Variants in THSD4 observed in about 807,000 individuals in gnomAD.
THSD4 encodes the protein thrombospondin type 1 domain containing 4.
In THSD4, 69 loss-of-function variants were observed where a neutral mutation model predicts 119.0. The ratio of observed to expected loss-of-function variants is 0.58; its 90% CI spans 0.48 to 0.71. The LOEUF is 0.71. Among genes scored for constraint, THSD4 ranks in the 30% least tolerant of loss-of-function variants. The pLI is 0.00. For missense variants in THSD4, 1,393 were observed against 1,391.1 expected, an observed-to-expected ratio of 1.00 and a Z score of -0.02; for synonymous variants, 524 against 540.4, an observed-to-expected ratio of 0.97 and a Z score of 0.42.
chr15:71,344,394 A>T (rs1259690125), intron 6 of THSD4, among the ~76,000 whole-genome samples: 1 of 152,128 alleles, frequency 6.6e-6, no homozygotes, highest in East Asian at 1.9e-4. Flanking sequence ...AAATAAGGTG[A>T]TATGTGCAGA....
intron 7 of THSD4, among the ~76,000 whole-genome samples, chr15:71,643,282 G>A (rs1340532918): frequency 6.6e-6 from 1 of 152,040 alleles, no homozygotes; most frequent in Non-Finnish European, 1.5e-5. Flanking sequence ...AACCACTAAT[G>A]TGTTTTGTTA....
At chr15:71,628,390 C>T (rs1595803244) in intron 7 of THSD4, among the ~76,000 whole-genome samples, 1 of 152,284 alleles carries the variant, frequency 6.6e-6, no homozygotes, top group East Asian at 1.9e-4. Context: ...TATTTATTCT[C>T]ATATTAAATA....
At chr15:71,750,864 C>T (rs950240893) in intron 14 of THSD4, among the ~76,000 whole-genome samples, 5 of 152,170 alleles carry the variant, frequency 3.3e-5, no homozygotes, top group African/African-American at 4.8e-5. Context: ...CAAACATTAG[C>T]GCATGGTACT....
At chr15:71,532,874 G>T (rs927214389) in intron 7 of THSD4, among the ~76,000 whole-genome samples, 4 of 152,198 alleles carry the variant, frequency 2.6e-5, no homozygotes, top group Non-Finnish European at 5.9e-5. Context: ...CAATGAGTTG[G>T]TTGGCTCTGT....
rs115126935 is a variant in THSD4 at position 71,652,751 on chromosome 15, A to C, written c.1153-7779A>C. 3.5e-3 allele frequency among the ~76,000 whole-genome samples: 534 copies of C among 152,320 alleles called. 2 individuals carry two copies. The highest frequency in any genetic ancestry group is 0.012 in the African/African-American group (510 of 41,576). ...CTTGATAAGATGCTATCCTATTATGAACTAGGATGAGGTACTGAAAAGTGA... is the reference window on the plus strand; with the variant it reads ...CTTGATAAGATGCTATCCTATTATGCACTAGGATGAGGTACTGAAAAGTGA... On this transcript the variant is annotated intron_variant, in intron 7 of 17. Coordinates refer to ENST00000261862, the MANE Select transcript of THSD4 (RefSeq NM_024817.3).
At chr15:71,627,100 A>G (rs1317242937) in intron 7 of THSD4, among the ~76,000 whole-genome samples, 1 of 150,994 alleles carries the variant, frequency 6.6e-6, no homozygotes, top group African/African-American at 2.4e-5. Context: ...TTAGGTGTTC[A>G]TGGAAGAAAA....
At chr15:71,766,465 A>C (rs1567142867) in intron 16 of THSD4, among the ~76,000 whole-genome samples, 1 of 152,222 alleles carries the variant, frequency 6.6e-6, no homozygotes, top group Non-Finnish European at 1.5e-5. Context: ...TTTTGCTTAG[A>C]AAATATATGA....
chr15:71,713,177 C>A (rs916167149), intron 8 of THSD4, among the ~76,000 whole-genome samples: 3 of 152,200 alleles, frequency 2.0e-5, no homozygotes, highest in African/African-American at 7.2e-5. Flanking sequence ...TCATTGTAAT[C>A]TTAGAACCCC....
chr15:71,302,849 C>T (rs528643636), intron 6 of THSD4, among the ~76,000 whole-genome samples: 74 of 152,130 alleles, frequency 4.9e-4, no homozygotes, highest in South Asian at 1.7e-3. Flanking sequence ...CTGCACCTGC[C>T]GCCGCCTCAT....
At chr15:71,525,429 A>G (rs986350873) in intron 7 of THSD4, among the ~76,000 whole-genome samples, 2 of 152,230 alleles carry the variant, frequency 1.3e-5, no homozygotes, top group Admixed American at 6.5e-5. Context: ...GGAAATATGC[A>G]GGAGGCAGAG....
At chr15:71,163,416 A>G (rs2043264401) in intron 3 of THSD4, among the ~76,000 whole-genome samples, 1 of 152,126 alleles carries the variant, frequency 6.6e-6, no homozygotes, top group African/African-American at 2.4e-5. Flanking sequence ...GTAAAATTAT[A>G]AGAACGCTAT....
chr15:71,120,244 G>A (rs2040397851), intron 1 of THSD4, among the ~76,000 whole-genome samples: 1 of 152,040 alleles, frequency 6.6e-6, no homozygotes, highest in East Asian at 1.9e-4. Flanking sequence ...CCCTTCCCCA[G>A]CTTCCCTTTA....
At chr15:71,550,594 G>T (rs1276456546) in intron 7 of THSD4, among the ~76,000 whole-genome samples, 1 of 152,000 alleles carries the variant, frequency 6.6e-6, no homozygotes, top group Non-Finnish European at 1.5e-5. Flanking sequence ...CTGCCGCCAC[G>T]CCCGGCTAAT....
chr15:71,323,691 A>G (rs1190743275), intron 6 of THSD4, among the ~76,000 whole-genome samples: 3 of 152,186 alleles, frequency 2.0e-5, no homozygotes, highest in Non-Finnish European at 2.9e-5. Flanking sequence ...AGGGCTGCCT[A>G]TATATTCCTT....
At chr15:71,341,458 T>C (rs1317911164) in intron 6 of THSD4, 4 of 1,613,112 alleles carry the variant, frequency 2.5e-6, no homozygotes, top group Non-Finnish European at 3.4e-6. Context: ...CAGCACTCTT[T>C]TTGGGCCACC....
chr15:71,232,071 G>A (rs372092045), intron 4 of THSD4, among the ~76,000 whole-genome samples: 27 of 152,216 alleles, frequency 1.8e-4, no homozygotes, highest in Admixed American at 5.9e-4. Context: ...TGGCTCAAGC[G>A]GCTCCTTGGT....
intron 7 of THSD4, among the ~76,000 whole-genome samples, chr15:71,551,197 TA>T (rs1379997850): frequency 6.6e-6 from 1 of 152,208 alleles, no homozygotes; most frequent in African/African-American, 2.4e-5. Context: ...TGAATGTGCA[TA>T]AAATGCTCCC....
intron 7 of THSD4, among the ~76,000 whole-genome samples, chr15:71,478,754 G>C (rs2047684805): frequency 6.6e-6 from 1 of 152,188 alleles, no homozygotes; most frequent in Admixed American, 6.5e-5. Context: ...ATAAAGGGAA[G>C]ACTCTGGCAA....
chr15:71,696,064 T>C (rs915429074), intron 8 of THSD4, among the ~76,000 whole-genome samples: 3 of 152,276 alleles, frequency 2.0e-5, no homozygotes, highest in African/African-American at 7.2e-5. Context: ...ACTAGTATTA[T>C]ATAAAGTATC....
Sources: allele counts gnomAD v4.1 joint callset (sites outside exome capture counted in the v4.1 genomes callset), GRCh38; gene constraint gnomAD v4.1.1; transcripts MANE v1.5; gene names NCBI Gene and HGNC (gene_info 2026-07-23, HGNC 2026-07-21).